Variants in MROH9 observed in about 807,000 individuals in gnomAD.
The protein encoded by MROH9 is maestro heat-like repeat-containing protein family member 9.
MROH9 carries 92 observed loss-of-function variants against 98.2 expected under a neutral mutation model. The ratio of observed to expected loss-of-function variants is 0.94; its 90% confidence interval spans 0.79 to 1.11. MROH9 has a LOEUF of 1.11. Among genes scored for constraint, MROH9 ranks in the 50% most tolerant of loss-of-function variants. The pLI, the probability that MROH9 is intolerant of heterozygous loss-of-function variation, is 0.00. For missense variants in MROH9, 1,057 were observed against 1,014.8 expected (o/e 1.04, Z -0.57); for synonymous variants, 397 against 368.9 (o/e 1.08, Z -0.87).
rs558509756 is a variant in MROH9, at chr1:171,005,263, G to A, written c.1596+6989G>A. On this transcript the variant is annotated intron_variant, in intron 15 of 21. Transcript: ENST00000367759. ...TATTTTTAGTAGAGATGGGTTTTGG[G>A]TTTCACAATGTTACCCAGGTTGATC... Among the ~76,000 whole-genome samples the A allele has an allele frequency of 2.6e-5, 4 of 152,108 alleles. No individual in the cohort carries two copies. In the East Asian group the frequency reaches 5.8e-4, roughly 22 times the overall value.
chr1:171,029,608 A>G (rs556835362), intron 20 of MROH9, among the ~76,000 whole-genome samples: 6 of 152,212 alleles, frequency 3.9e-5, no homozygotes, highest in East Asian at 1.9e-4. Context: ...ATTGATTTGC[A>G]TATGTTGAAT....
chr1:171,024,868 G>A, intron 19 of MROH9, 103 bp downstream of exon 19: 4 of 650,778 alleles, frequency 6.1e-6, no homozygotes, highest in South Asian at 4.1e-5. Context: ...GGATCTTGGA[G>A]GAAAAAAATG....
chr1:170,996,661 C>T lies in MROH9; in HGVS notation c.1475+17C>T, dbSNP rs149896410. The T allele has an allele frequency of 1.1e-3, 1,850 of 1,612,498 alleles. 15 individuals are homozygous for T. In the African/African-American group the frequency reaches 0.02, roughly 17 times the overall value. On this transcript the variant is annotated intron_variant, in intron 14 of 21. Coordinates refer to ENST00000367759, the MANE Select transcript of MROH9 (RefSeq NM_001163629.2). ...TATTGCTAAGTAAGAACAGGGGTCT[C>T]TGTGTAGGATTCTTGGTCTCTATCC...
intron 3 of MROH9, among the ~76,000 whole-genome samples, chr1:170,955,798 G>GTACAAAAT (rs1384063318): frequency 1.3e-5 from 2 of 152,080 alleles, no homozygotes; most frequent in Non-Finnish European, 2.9e-5. Flanking sequence ...TCCTTTTGCC[G>GTACAAAAT]TACAAAAGCT....
Position 171,033,003 on chromosome 1 carries a change from A to G in MROH9, c.2281+7583A>G, listed in dbSNP as rs555763861. Among the ~76,000 whole-genome samples the G allele has an allele frequency of 5.9e-5, 9 of 152,266 alleles. No individual in the cohort carries two copies. The South Asian group carries it at 1.2e-3, about 21-fold the overall frequency. ...ATTGGAGTTCCTGCAGGGAAGCCCC[A>G]CCCAGTGAGGAAGGATGGGTAAGAG... On this transcript the variant is annotated intron_variant, in intron 20 of 21. Transcript: ENST00000367759.
chr1:170,950,909 T>G (rs1649527185), intron 3 of MROH9, among the ~76,000 whole-genome samples: 1 of 152,134 alleles, frequency 6.6e-6, no homozygotes. Context: ...GTCTTAATTT[T>G]TATTCTTTAT....
chr1:170,946,149 A>G (rs1199651143), intron 2 of MROH9, among the ~76,000 whole-genome samples: 2 of 152,098 alleles, frequency 1.3e-5, no homozygotes, highest in Non-Finnish European at 2.9e-5. Flanking sequence ...GAAGTTGAAT[A>G]TTTGAATTCA....
At chr1:171,029,262 G>A (rs530447124) in intron 20 of MROH9, among the ~76,000 whole-genome samples, 1 of 152,090 alleles carries the variant, frequency 6.6e-6, no homozygotes, top group Non-Finnish European at 1.5e-5. Flanking sequence ...CCAGGCTGGA[G>A]TGCAGTGGCA....
At chr1:171,003,632 T>G (rs1651855727) in intron 15 of MROH9, among the ~76,000 whole-genome samples, 2 of 152,216 alleles carry the variant, frequency 1.3e-5, no homozygotes, top group Non-Finnish European at 2.9e-5. Flanking sequence ...ACAGTGCCTA[T>G]TCCAGTGGAG....
At chr1:171,006,487 C>G (rs1190528280) in intron 15 of MROH9, among the ~76,000 whole-genome samples, 1 of 152,016 alleles carries the variant, frequency 6.6e-6, no homozygotes, top group Admixed American at 6.6e-5. Context: ...CTCCCTCCCC[C>G]ACACCTCTTT....
intron 6 of MROH9, among the ~76,000 whole-genome samples, chr1:170,963,663 T>A (rs1481125840): frequency 6.6e-6 from 1 of 152,076 alleles, no homozygotes; most frequent in Non-Finnish European, 1.5e-5. Context: ...TACAAAAGAA[T>A]AAGATTATGT....
chr1:170,942,589 G>A (rs1649167532), intron 1 of MROH9, among the ~76,000 whole-genome samples: 1 of 152,018 alleles, frequency 6.6e-6, no homozygotes. Flanking sequence ...AAACAGCAAG[G>A]AAAGCACTCC....
At chr1:171,016,364 T>A (rs763866200) in intron 17 of MROH9, 28 bp downstream of exon 17, 10 of 1,407,108 alleles carry the variant, frequency 7.1e-6, no homozygotes, top group Middle Eastern at 1.8e-4. Context: ...ATATGTGAGA[T>A]CATTAGGTTT....
At chr1:171,046,482 CG>C (rs1361742010) in intron 20 of MROH9, among the ~76,000 whole-genome samples, 1 of 152,062 alleles carries the variant, frequency 6.6e-6, no homozygotes, top group Admixed American at 6.5e-5. Flanking sequence ...GTGGCTACCA[CG>C]GGACTTGCAA....
intron 2 of MROH9, among the ~76,000 whole-genome samples, chr1:170,946,728 G>A (rs903332574): frequency 1.3e-5 from 2 of 151,638 alleles, no homozygotes; most frequent in Non-Finnish European, 2.9e-5. Context: ...TAAAATAGAA[G>A]ACATAAAATA....
intron 20 of MROH9, among the ~76,000 whole-genome samples, chr1:171,058,005 G>A (rs1653899506): frequency 6.6e-6 from 1 of 152,106 alleles, no homozygotes; most frequent in African/African-American, 2.4e-5. Flanking sequence ...TCAGGCAAGA[G>A]AAACAAATAA....
chr1:171,057,435 C>G (rs1204950196), intron 20 of MROH9, among the ~76,000 whole-genome samples: 1 of 152,086 alleles, frequency 6.6e-6, no homozygotes, highest in Non-Finnish European at 1.5e-5. Flanking sequence ...TGAAAAGGAA[C>G]AAACAAAGCC....
intron 20 of MROH9, among the ~76,000 whole-genome samples, chr1:171,033,034 C>G (rs1217459675): frequency 6.6e-6 from 1 of 152,206 alleles, no homozygotes; most frequent in East Asian, 1.9e-4. Context: ...AAGAGTCAGG[C>G]CTGTAGAGGC....
chr1:170,949,093 A>G (rs1268730799), intron 3 of MROH9, among the ~76,000 whole-genome samples: 1 of 152,060 alleles, frequency 6.6e-6, no homozygotes, highest in East Asian at 1.9e-4. Flanking sequence ...ATGACCTTTC[A>G]AAGTTGACCC....
Sources: allele counts gnomAD v4.1 joint callset (sites outside exome capture counted in the v4.1 genomes callset), GRCh38; gene constraint gnomAD v4.1.1; transcripts MANE v1.5; gene names NCBI Gene and HGNC (gene_info 2026-07-23, HGNC 2026-07-21).